Variants in ANXA7 observed in about 807,000 individuals in gnomAD.
The protein encoded by ANXA7 is annexin VII.
In ANXA7, 55 loss-of-function variants were observed where a neutral mutation model predicts 64.9. The ratio of observed to expected loss-of-function variants is 0.85; its 90% confidence interval spans 0.68 to 1.06. The LOEUF is 1.06. Among genes scored for constraint, ANXA7 ranks in the 50% least tolerant of loss-of-function variants. ANXA7 has a pLI of 0.00. For missense variants in ANXA7, 548 were observed against 582.1 expected (o/e 0.94, Z 0.60); for synonymous variants, 200 against 192.4 (o/e 1.04, Z -0.33).
At chr10:73,399,844 CAAAAAA>C (rs763679353) in intron 2 of ANXA7, among the ~76,000 whole-genome samples, 16 of 146,268 alleles carry the variant, frequency 1.1e-4, no homozygotes, top group Non-Finnish European at 2.3e-4. Flanking sequence ...AAAACAAAAA[CAAAAAA>C]CTGAAATGTG....
chr10:73,396,417 T>G (rs538586259), intron 5 of ANXA7, 102 bp downstream of exon 5: 7 of 818,424 alleles, frequency 8.6e-6, no homozygotes, highest in Admixed American at 2.4e-5. Flanking sequence ...CTTCCATTAC[T>G]ATAATGGGCC....
chr10:73,375,443 A>T lies in ANXA7; in HGVS notation c.*652T>A, dbSNP rs2055155131. The T allele has an allele frequency of 6.6e-6, 1 of 152,220 alleles. No homozygotes were observed. Among genetic ancestry groups the T allele is most frequent in the African/African-American group, 2.4e-5 (1 of 41,448 alleles). 9.4% of individuals were successfully genotyped at this position (152,220 alleles called of 1,614,324 possible). ...TCAAAACACCATATTGTACACCTTAAATATATGCAATTTTTTATTTGTCAT... is the reference window on the plus strand; with the variant it reads ...TCAAAACACCATATTGTACACCTTATATATATGCAATTTTTTATTTGTCAT... On this transcript the variant is annotated 3_prime_UTR_variant, in exon 13 of 13. Transcript: ENST00000372921.
In ANXA7 at chr10:73,380,141, G is replaced by A. The variant is rs765490183; in HGVS notation, c.979C>T (p.Leu327Phe). Reference sequence around the variant, plus strand: ...AGTCTCCCCTCACCAGCTTGATAGAGACGCTGAGCATCTTCCTGAGCCATT... The same window carrying A: ...AGTCTCCCCTCACCAGCTTGATAGAAACGCTGAGCATCTTCCTGAGCCATT... ...HQMAQEDAQR[L>F]YQAGEGRLGT... Residue 327 changes from leucine to phenylalanine, a missense_variant, in exon 10 of 13, where the codon CTC becomes TTC. Leu to Phe is a conservative substitution (Grantham distance 22). Transcript: ENST00000372921. 11 of 1,614,094 alleles carry A rather than the reference G, an allele frequency of 6.8e-6. No homozygotes were observed. Among genetic ancestry groups the A allele is most frequent in the South Asian group, 4.4e-5 (4 of 91,080 alleles).
At chr10:73,402,326 C>T (rs541719735) in intron 1 of ANXA7, among the ~76,000 whole-genome samples, 42 of 152,008 alleles carry the variant, frequency 2.8e-4, no homozygotes, top group Admixed American at 1.4e-3. Context: ...CTCCCCACCC[C>T]GTAGCTGGGA....
At chr10:73,412,162 G>A (rs535903207) in intron 1 of ANXA7, among the ~76,000 whole-genome samples, 3 of 152,200 alleles carry the variant, frequency 2.0e-5, no homozygotes, top group East Asian at 1.9e-4. Context: ...TCAACCTCCT[G>A]AGTAGCTGGG....
chr10:73,406,408 C>T (rs911780817), intron 1 of ANXA7, among the ~76,000 whole-genome samples: 19 of 152,174 alleles, frequency 1.2e-4, no homozygotes, highest in Non-Finnish European at 2.4e-4. Flanking sequence ...GTCACCCTCC[C>T]AATTTTCTCA....
intron 5 of ANXA7, chr10:73,395,789 A>T: frequency 4.7e-6 from 2 of 425,416 alleles, no homozygotes; most frequent in Non-Finnish European, 8.7e-6. Flanking sequence ...TCCATCTCAA[A>T]AAAAAAAAAA....
Position 73,414,058 on chromosome 10 carries a change from T to C in ANXA7, c.-48A>G, listed in dbSNP as rs2055886637. The C allele has an allele frequency of 6.6e-6, 1 of 151,890 alleles. No individual in the cohort carries two copies. Among genetic ancestry groups the C allele is most frequent in the Non-Finnish European group, 1.5e-5 (1 of 68,026 alleles). 9.4% of individuals were successfully genotyped at this position (151,890 alleles called of 1,614,324 possible). On this transcript the variant is annotated 5_prime_UTR_variant, in exon 1 of 13. Transcript: ENST00000372921. Reference sequence around the variant, plus strand: ...CAGCCCAACCCGGTCTCCCGCAAGATGGAGCCGGGGGCGGGCCCAGGGTGG... The same window carrying C: ...CAGCCCAACCCGGTCTCCCGCAAGACGGAGCCGGGGGCGGGCCCAGGGTGG...
intron 12 of ANXA7, among the ~76,000 whole-genome samples, chr10:73,376,865 T>C (rs975368289): frequency 6.6e-6 from 1 of 151,890 alleles, no homozygotes; most frequent in Non-Finnish European, 1.5e-5. Context: ...TGCTATAACA[T>C]GAATAAACCT....
At chr10:73,398,843 C>T (rs773372383) in intron 2 of ANXA7, among the ~76,000 whole-genome samples, 1 of 152,200 alleles carries the variant, frequency 6.6e-6, no homozygotes, top group Middle Eastern at 3.4e-3. Context: ...CATCACACAC[C>T]GGATGTGACA....
chr10:73,398,157 C>G, intron 3 of ANXA7, 24 bp downstream of exon 3: 1 of 1,596,132 alleles, frequency 6.3e-7, no homozygotes, highest in South Asian at 1.1e-5. Flanking sequence ...CCAATCATTA[C>G]TAATTCCGCA....
chr10:73,388,354 T>G lies in ANXA7; in HGVS notation c.496A>C (p.Ile166Leu), dbSNP rs201159529. 1.9e-6 allele frequency: 3 copies of G among 1,613,988 alleles called. No individual in the cohort carries two copies. The highest frequency in any genetic ancestry group is 2.5e-6 in the Non-Finnish European group (3 of 1,179,956). ...TIRPAANFDA[I>L]RDAEILRKAM... ...TTACGAAGAATTTCTGCATCTCTTATAGCATCGAAGTTGGCAGCTGGTCGG... is the reference window on the plus strand; with the variant it reads ...TTACGAAGAATTTCTGCATCTCTTAGAGCATCGAAGTTGGCAGCTGGTCGG... The change falls in exon 6 of 13, where the codon ATA (isoleucine) becomes CTA (leucine). Residue 166 changes from isoleucine (I) to leucine (L), a missense_variant. Ile to Leu is a conservative substitution (Grantham distance 5). Transcript: ENST00000372921.
chr10:73,398,393 A>G lies in ANXA7; in HGVS notation c.55-8T>C, dbSNP rs191399478. On this transcript the variant is annotated splice_region_variant and splice_polypyrimidine_tract_variant and intron_variant, in intron 2 of 12. Coordinates refer to ENST00000372921, the MANE Select transcript of ANXA7 (RefSeq NM_001156.5). ...TGACTCCTGACCTGCAGGCTGAAAA[A>G]TCAGAATAATTTTTAAACAAATACG... 2.9e-5 allele frequency: 47 copies of G among 1,605,628 alleles called. No individual in the cohort carries two copies. In the East Asian group the frequency reaches 1.1e-3, roughly 36 times the overall value.
intron 1 of ANXA7, among the ~76,000 whole-genome samples, chr10:73,402,395 T>C (rs1247769184): frequency 6.8e-6 from 1 of 146,752 alleles, no homozygotes; most frequent in Non-Finnish European, 1.5e-5. Context: ...AGAGATGGGG[T>C]TTCACCGTAT....
chr10:73,397,342 AT>A, intron 3 of ANXA7, 68 bp from the exon 4 acceptor site: 1 of 904,650 alleles, frequency 1.1e-6, no homozygotes, highest in Non-Finnish European at 1.7e-6. Context: ...CTTTAGAAAA[AT>A]ATCTATTGTT....
At chr10:73,379,186 T>C (rs1339675396) in intron 11 of ANXA7, among the ~76,000 whole-genome samples, 163 bp from the exon 12 acceptor site, 2 of 152,212 alleles carry the variant, frequency 1.3e-5, no homozygotes, top group Non-Finnish European at 1.5e-5. Flanking sequence ...TTGATTTTTT[T>C]TGAGACAGGT....
rs751794302 is a variant in ANXA7, at chr10:73,398,376, G to T, written c.64C>A (p.Gln22Lys). ...CCAGAAGGGGGAAAAGATGACTCCT[G>T]ACCTGCAGGCTGAAAAATCAGAATA... is the stretch of plus-strand genomic sequence containing the variant. ...PPFPGYPPAG[Q>K]ESSFPPSGQY... The change falls in exon 3 of 13, where the codon CAG becomes AAG. Residue 22 changes from glutamine to lysine, a missense_variant. Physicochemically the swap from Gln to Lys is moderately conservative, Grantham distance 53. Coordinates refer to ENST00000372921, the MANE Select transcript of ANXA7 (RefSeq NM_001156.5). The T allele has an allele frequency of 1.4e-5, 22 of 1,610,782 alleles. No individual in the cohort carries two copies. Among genetic ancestry groups the T allele is most frequent in the Non-Finnish European group, 1.9e-5 (22 of 1,177,558 alleles).
At chr10:73,382,248 T>C (rs2055287551) in intron 9 of ANXA7, among the ~76,000 whole-genome samples, 1 of 152,242 alleles carries the variant, frequency 6.6e-6, no homozygotes, top group African/African-American at 2.4e-5. Flanking sequence ...ACTAGCACAA[T>C]AGGCAATAAC....
intron 1 of ANXA7, among the ~76,000 whole-genome samples, chr10:73,403,551 T>C (rs778683076): frequency 6.6e-6 from 1 of 152,216 alleles, no homozygotes; most frequent in Admixed American, 6.5e-5. Flanking sequence ...GGATGTATCA[T>C]GGCTTATTCA....
Sources: gnomAD v4.1 joint callset for allele counts (sites outside exome capture counted in the v4.1 genomes callset) on GRCh38, gnomAD v4.1.1 for gene constraint, MANE v1.5 for transcripts, NCBI Gene and HGNC (gene_info 2026-07-23, HGNC 2026-07-21) for gene names.